Variants in CAPZB observed in about 807,000 individuals in gnomAD.
CAPZB encodes the protein capping actin protein of muscle Z-line subunit beta.
Under a neutral mutation model 38.1 loss-of-function variants are expected in CAPZB, and 2 were observed. The observed-to-expected ratio is 0.05, with a 90% confidence interval of 0.02 to 0.17. The LOEUF (loss-of-function observed/expected upper bound fraction) is 0.17, where lower values mean the gene tolerates loss of function less well. CAPZB is among the 10% of genes least tolerant of loss of function. The pLI, the probability that CAPZB is intolerant of heterozygous loss-of-function variation, is 1.00. For missense variants in CAPZB, 161 were observed against 334.2 expected (o/e 0.48, Z 4.04); for synonymous variants, 107 against 127.4 (o/e 0.84, Z 1.08).
chr1:19,462,783 C>T (rs1313209671), intron 1 of CAPZB, among the ~76,000 whole-genome samples: 2 of 152,154 alleles, frequency 1.3e-5, no homozygotes, highest in Non-Finnish European at 1.5e-5. Context: ...CATCAGCACC[C>T]GCACTGTTCG....
At chr1:19,475,508 AC>A (rs2094603815) in intron 1 of CAPZB, among the ~76,000 whole-genome samples, 1 of 152,232 alleles carries the variant, frequency 6.6e-6, no homozygotes, top group African/African-American at 2.4e-5. Flanking sequence ...GGCCAGCACC[AC>A]TGGGGCAGTC....
chr1:19,442,163 T>C (rs1486604254), intron 1 of CAPZB, among the ~76,000 whole-genome samples: 3 of 152,096 alleles, frequency 2.0e-5, no homozygotes, highest in African/African-American at 7.2e-5. Context: ...ATTACTGTAA[T>C]CCTAAAAAAA....
At chr1:19,383,359 T>C (rs2094185928) in intron 3 of CAPZB, among the ~76,000 whole-genome samples, 1 of 150,132 alleles carries the variant, frequency 6.7e-6, no homozygotes, top group South Asian at 2.1e-4. Context: ...GGCAGGAGAA[T>C]CTGCTTGAAC....
chr1:19,485,410 C>A (rs1329035292), intron 1 of CAPZB, 26 bp downstream of exon 1: 14 of 1,227,774 alleles, frequency 1.1e-5, no homozygotes, highest in African/African-American at 1.6e-5. Flanking sequence ...GCCCCCGGGC[C>A]GGGGAGGGGG....
At chr1:19,448,869 C>G (rs772253116) in intron 1 of CAPZB, 2 of 1,612,908 alleles carry the variant, frequency 1.2e-6, no homozygotes, top group Non-Finnish European at 1.7e-6. Context: ...CTGGGCTGGC[C>G]AAGGCCTGGG....
intron 3 of CAPZB, among the ~76,000 whole-genome samples, chr1:19,381,515 C>T (rs2094174548): frequency 6.6e-6 from 1 of 152,112 alleles, no homozygotes; most frequent in Non-Finnish European, 1.5e-5. Context: ...TCCACTTCTC[C>T]AAACCAAGAG....
chr1:19,457,552 T>C (rs1242935280), intron 1 of CAPZB, among the ~76,000 whole-genome samples: 1 of 152,096 alleles, frequency 6.6e-6, no homozygotes, highest in East Asian at 1.9e-4. Context: ...CGCAAACACA[T>C]ATGCACAAAA....
chr1:19,369,352 C>G (rs913561730), intron 4 of CAPZB, among the ~76,000 whole-genome samples: 1 of 152,252 alleles, frequency 6.6e-6, no homozygotes, highest in Non-Finnish European at 1.5e-5. Context: ...GAAGCAGGCT[C>G]AGCTGTACCC....
intron 8 of CAPZB, chr1:19,342,708 T>C: frequency 8.0e-7 from 1 of 1,256,440 alleles, no homozygotes; most frequent in Non-Finnish European, 1.2e-6. Context: ...GGTTGGTGAG[T>C]CCTGTTTTAG....
At chr1:19,399,948 G>A (rs776163337) in intron 2 of CAPZB, among the ~76,000 whole-genome samples, 35 of 152,004 alleles carry the variant, frequency 2.3e-4, no homozygotes, top group African/African-American at 7.3e-4. Flanking sequence ...CCAGCTCTTC[G>A]GTTCACAGCC....
chr1:19,485,067 C>T (rs1297207300), intron 1 of CAPZB, among the ~76,000 whole-genome samples: 2 of 152,044 alleles, frequency 1.3e-5, no homozygotes, highest in African/African-American at 2.4e-5. Flanking sequence ...CAGACCTAGC[C>T]CTAGACCGGG....
chr1:19,372,218 G>A (rs2094122988), intron 4 of CAPZB, among the ~76,000 whole-genome samples: 1 of 152,226 alleles, frequency 6.6e-6, no homozygotes. Flanking sequence ...ATTAGGCTTT[G>A]ATTTCAATCA....
At chr1:19,462,695 G>A (rs1021671002) in intron 1 of CAPZB, among the ~76,000 whole-genome samples, 3 of 152,126 alleles carry the variant, frequency 2.0e-5, no homozygotes, top group African/African-American at 4.8e-5. Context: ...TTAAAAACAG[G>A]TCCAGTTGAA....
At chr1:19,376,675 C>T (rs958312035) in intron 4 of CAPZB, among the ~76,000 whole-genome samples, 5 of 152,252 alleles carry the variant, frequency 3.3e-5, no homozygotes, top group Non-Finnish European at 7.3e-5. Flanking sequence ...CCTGTTATCA[C>T]TAGCAGCAAT....
intron 3 of CAPZB, among the ~76,000 whole-genome samples, chr1:19,379,589 C>A (rs1412345074): frequency 1.3e-5 from 2 of 152,224 alleles, no homozygotes; most frequent in African/African-American, 4.8e-5. Context: ...CAATCAGGTT[C>A]TCCACGTGAA....
At position 19,474,109 on chromosome 1, in the gene CAPZB, C is replaced by T. The variant is rs192406426; in HGVS notation, c.3+11327G>A. Among the ~76,000 whole-genome samples the T allele has an allele frequency of 5.8e-3, 875 of 152,136 alleles. 7 individuals carry two copies. The highest frequency in any genetic ancestry group is 0.02 in the African/African-American group (810 of 41,482). On this transcript the variant is annotated intron_variant, in intron 1 of 8. Transcript: ENST00000264202. ...CTCCCAGGCTCAAATGATCCTCCCACCTCAGCCTCCCAAGCAGCTAGGACT... is the reference window on the plus strand; with the variant it reads ...CTCCCAGGCTCAAATGATCCTCCCATCTCAGCCTCCCAAGCAGCTAGGACT...
At chr1:19,373,799 C>T (rs1274599693) in intron 4 of CAPZB, among the ~76,000 whole-genome samples, 1 of 152,070 alleles carries the variant, frequency 6.6e-6, no homozygotes, top group African/African-American at 2.4e-5. Context: ...TCAAGCAATC[C>T]TCCTACCTCA....
chr1:19,347,576 C>T (rs214327), intron 6 of CAPZB, among the ~76,000 whole-genome samples: 86,849 of 151,976 alleles, frequency 0.57, 25,207 homozygotes, highest in African/African-American at 0.65. Context: ...ACTGCATACA[C>T]TATGTGGCAC....
chr1:19,344,284 C>CA, intron 8 of CAPZB, 74 bp downstream of exon 8: 1 of 1,203,894 alleles, frequency 8.3e-7, no homozygotes, highest in Non-Finnish European at 1.2e-6. Flanking sequence ...CAAGACCACA[C>CA]AGCTAGTAAC....
Sources: gnomAD v4.1 joint callset for allele counts (sites outside exome capture counted in the v4.1 genomes callset) on GRCh38, gnomAD v4.1.1 for gene constraint, MANE v1.5 for transcripts, NCBI Gene and HGNC (gene_info 2026-07-23, HGNC 2026-07-21) for gene names.